MTUS2: variants seen among roughly 807,000 people sequenced by gnomAD.
MTUS2 encodes the protein microtubule-associated tumor suppressor candidate 2.
MTUS2 carries 40 observed loss-of-function variants against 114.1 expected under a neutral mutation model. That is an observed-to-expected ratio of 0.35 (90% CI 0.27 to 0.46). The LOEUF (loss-of-function observed/expected upper bound fraction) is 0.46, where lower values mean the gene tolerates loss of function less well. MTUS2 is among the 20% of genes least tolerant of loss of function. The pLI, the probability that MTUS2 is intolerant of heterozygous loss-of-function variation, is 1.00. For synonymous variants in MTUS2, 688 were observed against 672.0 expected (o/e 1.02, Z -0.37); for missense variants, 1,679 against 1,705.4 (o/e 0.98, Z 0.27).
At position 29,504,357 on chromosome 13, in the gene MTUS2, A is replaced by G; in HGVS notation, c.*1151A>G. ...CTACAACTCAACCCCTTCACTGCAC[A>G]TTGAGATGGCTCAGGGGTTCTAGCA... On this transcript the variant is annotated 3_prime_UTR_variant, in exon 16 of 16. Transcript: ENST00000612955. The G allele has an allele frequency of 4.3e-6, 1 of 230,634 alleles. No homozygotes were observed. Among genetic ancestry groups the G allele is most frequent in the Non-Finnish European group, 8.6e-6 (1 of 116,878 alleles). 14.3% of individuals were successfully genotyped at this position (230,634 alleles called of 1,614,324 possible).
chr13:28,913,004 G>A (rs2138020805), intron 2 of MTUS2, among the ~76,000 whole-genome samples: 1 of 152,262 alleles, frequency 6.6e-6, no homozygotes, highest in African/African-American at 2.4e-5. Flanking sequence ...AGCTTAAGAA[G>A]CTTTTGGGCT....
chr13:29,194,717 C>T (rs1350943587), intron 5 of MTUS2, among the ~76,000 whole-genome samples: 1 of 150,592 alleles, frequency 6.6e-6, no homozygotes, highest in Non-Finnish European at 1.5e-5. Flanking sequence ...ACTAGAAATA[C>T]CATTTGACCC....
chr13:29,207,421 C>A (rs1895236331), intron 5 of MTUS2, among the ~76,000 whole-genome samples: 1 of 152,114 alleles, frequency 6.6e-6, no homozygotes, highest in African/African-American at 2.4e-5. Flanking sequence ...TTATTTCTTT[C>A]TCTTGTCTGA....
intron 1 of MTUS2, among the ~76,000 whole-genome samples, chr13:28,832,915 GAAAT>G (rs1400496645): frequency 4.6e-5 from 7 of 151,678 alleles, no homozygotes; most frequent in Admixed American, 3.9e-4. Context: ...CCATTTTAGA[GAAAT>G]AAAATAAGAA....
At chr13:29,230,231 G>A (rs367980100) in intron 5 of MTUS2, among the ~76,000 whole-genome samples, 95 of 152,118 alleles carry the variant, frequency 6.2e-4, no homozygotes, top group African/African-American at 2.1e-3. Context: ...GGGAGACAGA[G>A]CAAGACTCCG....
intron 1 of MTUS2, among the ~76,000 whole-genome samples, chr13:28,830,471 A>G (rs1230954037): frequency 6.8e-6 from 1 of 148,110 alleles, no homozygotes; most frequent in East Asian, 2.0e-4. Flanking sequence ...AAGGAACAAA[A>G]TAGAAATTAT....
chr13:29,159,949 C>T (rs557297531), intron 5 of MTUS2, among the ~76,000 whole-genome samples: 2 of 152,322 alleles, frequency 1.3e-5, no homozygotes, highest in African/African-American at 4.8e-5. Context: ...TCATGTAAAA[C>T]TAAACATTCC....
At chr13:29,092,688 C>T (rs1416492325) in intron 4 of MTUS2, among the ~76,000 whole-genome samples, 1 of 152,138 alleles carries the variant, frequency 6.6e-6, no homozygotes, top group East Asian at 1.9e-4. Context: ...GATGGGGCAC[C>T]TTCTGCAACA....
intron 5 of MTUS2, among the ~76,000 whole-genome samples, chr13:29,120,036 A>G (rs1891241632): frequency 1.3e-5 from 2 of 152,206 alleles, no homozygotes; most frequent in African/African-American, 4.8e-5. Flanking sequence ...CCAATATCCA[A>G]CAAACTTATG....
At chr13:28,960,297 C>T (rs1195317757) in intron 2 of MTUS2, among the ~76,000 whole-genome samples, 1 of 152,036 alleles carries the variant, frequency 6.6e-6, no homozygotes, top group Non-Finnish European at 1.5e-5. Context: ...TAAAATGGTA[C>T]AAAGAATTTG....
In MTUS2 at chr13:29,152,009, C is replaced by A. The variant is rs190857301; in HGVS notation, c.2644+51039C>A. Among the ~76,000 whole-genome samples the A allele has an allele frequency of 1.4e-3, 217 of 151,974 alleles. 1 individual carries two copies. The highest frequency in any genetic ancestry group is 0.014 in the Middle Eastern group (4 of 294). The stretch of plus-strand genomic sequence containing the variant: ...TAGTTTTCTTTTATTGTTGTGTCTT[C>A]GATCGATTTTGGCATCAGGATGATG... On this transcript the variant is annotated intron_variant, in intron 5 of 15. Coordinates refer to ENST00000612955, the MANE Select transcript of MTUS2 (RefSeq NM_001033602.4).
At position 29,503,589 on chromosome 13, in the gene MTUS2, C is replaced by A. The variant is rs1003771205; in HGVS notation, c.*383C>A. ...ATTTAGATATACGTATATACACATG[C>A]TGCGGTTCTGAATTTCATTTTTTAT... On this transcript the variant is annotated 3_prime_UTR_variant, in exon 16 of 16. Coordinates refer to ENST00000612955, the MANE Select transcript of MTUS2 (RefSeq NM_001033602.4). 2.1e-5 allele frequency: 6 copies of A among 280,332 alleles called. No individual in the cohort carries two copies. The highest frequency in any genetic ancestry group is 3.4e-5 in the Non-Finnish European group (5 of 146,798). 17.4% of individuals were successfully genotyped at this position (280,332 alleles called of 1,614,324 possible). A position where few individuals can be genotyped will look rare whatever the true frequency, so the allele number is the denominator to read the frequency against.
chr13:29,135,916 T>C (rs1413708934), intron 5 of MTUS2, among the ~76,000 whole-genome samples: 1 of 152,214 alleles, frequency 6.6e-6, no homozygotes, highest in Non-Finnish European at 1.5e-5. Flanking sequence ...AATGTATTAG[T>C]CTCTTAAATA....
Position 29,497,568 on chromosome 13 carries a change from A to C in MTUS2, c.3678+232A>C, listed in dbSNP as rs1468166146. ...CTACGTGTTATTTTTGCCAAATTCC[A>C]CAGCATTCCCCAGCTGGAGTCGTGG... is the stretch of plus-strand genomic sequence containing the variant. On this transcript the variant is annotated intron_variant, in intron 13 of 15. Transcript: ENST00000612955. 4 of 562,504 alleles carry C rather than the reference A, an allele frequency of 7.1e-6. No individual in the cohort carries two copies. The East Asian group carries it at 1.2e-4, about 17-fold the overall frequency. 34.8% of individuals were successfully genotyped at this position (562,504 alleles called of 1,614,324 possible).
chr13:29,183,720 A>G (rs1207437552), intron 5 of MTUS2, among the ~76,000 whole-genome samples: 3 of 152,244 alleles, frequency 2.0e-5, no homozygotes, highest in Non-Finnish European at 2.9e-5. Flanking sequence ...CTAGAAGAGT[A>G]TAGTTTCCTG....
intron 5 of MTUS2, among the ~76,000 whole-genome samples, chr13:29,120,090 C>A (rs1221522056): frequency 6.6e-6 from 1 of 151,968 alleles, no homozygotes; most frequent in Non-Finnish European, 1.5e-5. Context: ...AACAAATTAA[C>A]CAAAATATTA....
At chr13:29,244,115 G>A (rs1237568592) in intron 5 of MTUS2, among the ~76,000 whole-genome samples, 2 of 152,160 alleles carry the variant, frequency 1.3e-5, no homozygotes, top group Non-Finnish European at 1.5e-5. Flanking sequence ...GAAGGGAGTT[G>A]GAGCTCCATG....
At chr13:28,878,567 A>G (rs1878100818) in intron 2 of MTUS2, among the ~76,000 whole-genome samples, 1 of 152,124 alleles carries the variant, frequency 6.6e-6, no homozygotes. Flanking sequence ...TCTCACTTAC[A>G]AGTAAGAACA....
At chr13:29,071,163 C>A (rs1277888921) in intron 4 of MTUS2, among the ~76,000 whole-genome samples, 10 of 151,268 alleles carry the variant, frequency 6.6e-5, no homozygotes, top group South Asian at 2.1e-4. Context: ...CGCCACTATG[C>A]CTGGCTAATT....
Sources: gnomAD v4.1 joint callset for allele counts (sites outside exome capture counted in the v4.1 genomes callset) on GRCh38, gnomAD v4.1.1 for gene constraint, MANE v1.5 for transcripts, NCBI Gene and HGNC (gene_info 2026-07-23, HGNC 2026-07-21) for gene names.